The following MTMR2 variants were observed in gnomAD, a reference collection of about 807,000 sequenced individuals.
The protein encoded by MTMR2 is phosphatidylinositol-3,5-bisphosphate 3-phosphatase MTMR2.
In MTMR2, 55 loss-of-function variants were observed where a neutral mutation model predicts 86.9. The ratio of observed to expected loss-of-function variants is 0.63; its 90% CI spans 0.51 to 0.79. The LOEUF (loss-of-function observed/expected upper bound fraction) is 0.79, where lower values mean the gene tolerates loss of function less well. Among genes scored for constraint, MTMR2 ranks in the 30% least tolerant of loss-of-function variants. MTMR2 has a pLI of 0.00. For synonymous variants in MTMR2, 241 were observed against 266.8 expected, an observed-to-expected ratio of 0.90 and a Z score of 0.94; for missense variants, 659 against 772.3, an observed-to-expected ratio of 0.85 and a Z score of 1.74.
At chr11:95,881,941 T>C (rs1865339566) in intron 2 of MTMR2, among the ~76,000 whole-genome samples, 1 of 152,212 alleles carries the variant, frequency 6.6e-6, no homozygotes. Flanking sequence ...AGGCTTATTG[T>C]AGAGTTCTGA....
intron 2 of MTMR2, among the ~76,000 whole-genome samples, chr11:95,882,889 ATTTTTTT>A (rs776661875): frequency 4.3e-4 from 33 of 76,100 alleles, no homozygotes; most frequent in Non-Finnish European, 6.8e-4. Flanking sequence ...CATCCAGCTA[ATTTTTTT>A]TTTTTTTTTT....
chr11:95,843,900 GA>G (rs1045076852), intron 11 of MTMR2, among the ~76,000 whole-genome samples: 2 of 151,646 alleles, frequency 1.3e-5, no homozygotes, highest in Admixed American at 6.6e-5. Context: ...GGGGAGTTAG[GA>G]AAAAAAAGTT....
intron 2 of MTMR2, among the ~76,000 whole-genome samples, chr11:95,872,968 A>C (rs1864951372): frequency 6.6e-6 from 1 of 152,210 alleles, no homozygotes; most frequent in African/African-American, 2.4e-5. Flanking sequence ...TGTACATCCC[A>C]CTTGATCATG....
rs1867040840 is a variant in MTMR2, at chr11:95,923,961, GCAGGGGCAGCA to G, written c.-18_-8del. 2.6e-6 allele frequency: 4 copies of G among 1,556,066 alleles called. No individual in the cohort carries two copies. The highest frequency in any genetic ancestry group is 2.6e-6 in the Non-Finnish European group (3 of 1,149,550). ...AGCTCGAGCTCTTCTCCATCGCGCG[GCAGGGGCAGCA>G]CAGGGAAAGGCTGAAGCAGTCTTCG... On this transcript the variant is annotated 5_prime_UTR_variant, in exon 1 of 15. Coordinates refer to ENST00000346299, the MANE Select transcript of MTMR2 (RefSeq NM_016156.6).
intron 1 of MTMR2, 52 bp from the exon 2 acceptor site, chr11:95,888,313 A>G: frequency 8.5e-7 from 1 of 1,174,862 alleles, no homozygotes; most frequent in Non-Finnish European, 1.3e-6. Flanking sequence ...TTCAAAGACC[A>G]ATTTCAGACA....
At chr11:95,913,166 T>C (rs767553504) in intron 1 of MTMR2, 1 of 152,150 alleles carries the variant, frequency 6.6e-6, no homozygotes, top group Non-Finnish European at 1.5e-5. Flanking sequence ...GGAACAGTGA[T>C]GGATTGGTTA....
At position 95,849,751 on chromosome 11, in the gene MTMR2, T is replaced by C. The variant is rs540785347; in HGVS notation, c.916A>G (p.Ile306Val). The change falls in exon 9 of 15, where the codon ATC (isoleucine) becomes GTC (valine). Residue 306 changes from isoleucine (I) to valine (V), a missense_variant. This residue lies in a region of MTMR2 where 387 missense variants were observed against 526.3 expected (regional missense o/e 0.74). Coordinates refer to ENST00000346299, the MANE Select transcript of MTMR2 (RefSeq NM_016156.6). ...SKEDEKYLQAIMDSNAQSHKI... is the reference protein window; with the variant it reads ...SKEDEKYLQAVMDSNAQSHKI... ...TGAGACTGGGCATTGGAATCCATGA[T>C]AGCTTGAAGGTATTTTTCATCTTCT... 58 of 1,614,118 alleles carry C rather than the reference T, an allele frequency of 3.6e-5. No homozygotes were observed. The highest frequency in any genetic ancestry group is 4.8e-5 in the Non-Finnish European group (57 of 1,179,952).
chr11:95,838,058 G>GAGAT, intron 13 of MTMR2, 36 bp downstream of exon 13: 1 of 1,247,058 alleles, frequency 8.0e-7, no homozygotes, highest in Middle Eastern at 1.9e-4. Context: ...GTATACAGTA[G>GAGAT]AGATAGTATG....
chr11:95,892,116 T>G (rs1177365831), intron 1 of MTMR2, among the ~76,000 whole-genome samples: 1 of 152,174 alleles, frequency 6.6e-6, no homozygotes, highest in Non-Finnish European at 1.5e-5. Flanking sequence ...CACGCTAATT[T>G]CCACTGCTTT....
At chr11:95,906,070 C>CA (rs1186767989) in intron 1 of MTMR2, among the ~76,000 whole-genome samples, 3 of 152,056 alleles carry the variant, frequency 2.0e-5, no homozygotes, top group African/African-American at 7.2e-5. Flanking sequence ...ACTAAAAATA[C>CA]AAAAGTTAGC....
intron 6 of MTMR2, among the ~76,000 whole-genome samples, chr11:95,858,019 C>T (rs1224951373): frequency 1.3e-5 from 2 of 152,174 alleles, no homozygotes; most frequent in Non-Finnish European, 2.9e-5. Context: ...GGTACTCCTA[C>T]TAACTGTGCC....
At chr11:95,837,486 A>G (rs112434134) in intron 13 of MTMR2, among the ~76,000 whole-genome samples, 5,717 of 152,132 alleles carry the variant, frequency 0.038, 162 homozygotes, top group South Asian at 0.091. Flanking sequence ...CATAGGATAG[A>G]CAAGTTTTGA....
Position 95,835,458 on chromosome 11 carries a change from G to A in MTMR2, c.1771-7C>T. The A allele has an allele frequency of 6.3e-7, 1 of 1,590,276 alleles. No homozygotes were observed. The highest frequency in any genetic ancestry group is 8.6e-7 in the Non-Finnish European group (1 of 1,162,124). ...ATCTGTTGTGAATAGGTTCCTGCAAGAGCAAAACATAAAATATTCAACTAG... is the reference window on the plus strand; with the variant it reads ...ATCTGTTGTGAATAGGTTCCTGCAAAAGCAAAACATAAAATATTCAACTAG... On this transcript the variant is annotated splice_region_variant and splice_polypyrimidine_tract_variant and intron_variant, in intron 14 of 14. Transcript: ENST00000346299.
chr11:95,892,291 T>C (rs1865740604), intron 1 of MTMR2, among the ~76,000 whole-genome samples: 1 of 152,146 alleles, frequency 6.6e-6, no homozygotes, highest in Non-Finnish European at 1.5e-5. Context: ...ACATCCTACC[T>C]ACCCTTTAAG....
At position 95,835,021 on chromosome 11, in the gene MTMR2, T is replaced by C. The variant is rs1863195805; in HGVS notation, c.*269A>G. Reference sequence around the variant, plus strand: ...GCATTTGCCTTTTAATAGAAACTTGTTCCCACTGTGAATCCAGGATTGAAG... The same window carrying C: ...GCATTTGCCTTTTAATAGAAACTTGCTCCCACTGTGAATCCAGGATTGAAG... On this transcript the variant is annotated 3_prime_UTR_variant, in exon 15 of 15. Transcript: ENST00000346299. The C allele has an allele frequency of 2.3e-6, 1 of 429,342 alleles. No individual in the cohort carries two copies. Among genetic ancestry groups the C allele is most frequent in the African/African-American group, 2.0e-5 (1 of 50,282 alleles). The allele number at this position is 429,342 out of a possible 1,614,324, so 26.6% of individuals were successfully genotyped here.
At chr11:95,878,092 A>C (rs1290757881) in intron 2 of MTMR2, among the ~76,000 whole-genome samples, 1 of 151,020 alleles carries the variant, frequency 6.6e-6, no homozygotes, top group East Asian at 1.9e-4. Flanking sequence ...ACGTCATACA[A>C]AGGAATATCA....
Position 95,847,619 on chromosome 11 carries a change from G to T in MTMR2, c.1179+95C>A, listed in dbSNP as rs1349558748. On this transcript the variant is annotated intron_variant, in intron 10 of 14. Coordinates refer to ENST00000346299, the MANE Select transcript of MTMR2 (RefSeq NM_016156.6). The stretch of plus-strand genomic sequence containing the variant: ...TTACCCATTTTTCATTGTTTAGAAA[G>T]GTACCTTCATGTTGATTGCAATTAT... 9 of 1,122,902 alleles carry T rather than the reference G, an allele frequency of 8.0e-6. No homozygotes were observed. In the African/African-American group the frequency reaches 1.2e-4, roughly 15 times the overall value. The allele number at this position is 1,122,902 out of a possible 1,614,324, so 69.6% of individuals were successfully genotyped here. A position where few individuals can be genotyped will look rare whatever the true frequency, so the allele number is the denominator to read the frequency against.
At chr11:95,908,682 T>C (rs1441267968) in intron 1 of MTMR2, among the ~76,000 whole-genome samples, 4 of 151,986 alleles carry the variant, frequency 2.6e-5, no homozygotes, top group Non-Finnish European at 5.9e-5. Context: ...AGCCCAGAAA[T>C]AATGCTGCCT....
chr11:95,911,984 A>C (rs1020872487), intron 1 of MTMR2, among the ~76,000 whole-genome samples: 1 of 152,048 alleles, frequency 6.6e-6, no homozygotes, highest in Non-Finnish European at 1.5e-5. Flanking sequence ...GACAAGCAAA[A>C]CTGTTTATTA....
Sources: gnomAD v4.1 joint callset for allele counts (sites outside exome capture counted in the v4.1 genomes callset) on GRCh38, gnomAD v4.1.1 for gene constraint, gnomAD v4.1.1 regional missense constraint, MANE v1.5 for transcripts, NCBI Gene and HGNC (gene_info 2026-07-23, HGNC 2026-07-21) for gene names.